The following DEFB124 variants were observed in gnomAD, a reference collection of about 807,000 sequenced individuals.
DEFB124 encodes the protein beta-defensin 124.
For missense variants in DEFB124, 78 were observed against 83.1 expected, an observed-to-expected ratio of 0.94 and a Z score of 0.24; for synonymous variants, 38 against 36.5, an observed-to-expected ratio of 1.04 and a Z score of -0.15.
chr20:31,466,537 C>T (rs1262386064), intron 2 of DEFB124, among the ~76,000 whole-genome samples: 1 of 150,144 alleles, frequency 6.7e-6, no homozygotes, highest in African/African-American at 2.5e-5. Context: ...AAGGCGGAGG[C>T]TGCAGTGAGC....
intron 2 of DEFB124, among the ~76,000 whole-genome samples, chr20:31,469,639 T>C (rs1980175222): frequency 6.8e-6 from 1 of 148,006 alleles, no homozygotes; most frequent in Admixed American, 6.7e-5. Flanking sequence ...GATTAGGGAG[T>C]GGTGATGATT....
intron 2 of DEFB124, among the ~76,000 whole-genome samples, chr20:31,470,727 G>A (rs867670923): frequency 0.012 from 1,667 of 133,612 alleles, 45 homozygotes; most frequent in African/African-American, 0.046. Flanking sequence ...CCTCCCTCCC[G>A]GACGGGGTGG....
At chr20:31,471,894 G>A (rs966008799) in intron 2 of DEFB124, among the ~76,000 whole-genome samples, 3 of 150,182 alleles carry the variant, frequency 2.0e-5, no homozygotes, top group Non-Finnish European at 4.5e-5. Context: ...TGGCGGCGGG[G>A]CAGAGACGCT....
intron 2 of DEFB124, among the ~76,000 whole-genome samples, chr20:31,466,152 A>C (rs922597441): frequency 6.6e-6 from 1 of 152,180 alleles, no homozygotes; most frequent in African/African-American, 2.4e-5. Flanking sequence ...GGGAGACTCC[A>C]TCTCAAATAA....
intron 2 of DEFB124, among the ~76,000 whole-genome samples, chr20:31,466,623 A>ATAT (rs1274120880): frequency 1.4e-5 from 2 of 147,970 alleles, no homozygotes; most frequent in African/African-American, 2.6e-5. Flanking sequence ...ATATATATAT[A>ATAT]AAACCTTATC....
At chr20:31,472,902 T>C in intron 2 of DEFB124, 54 bp downstream of exon 2, 9 of 1,578,582 alleles carry the variant, frequency 5.7e-6, no homozygotes, top group Non-Finnish European at 7.7e-6. Flanking sequence ...TCCTCATTTT[T>C]ACAAGCACAC....
In DEFB124 at chr20:31,470,809, G is replaced by A. The variant is rs1467670713; in HGVS notation, c.58+2147C>T. Among the ~76,000 whole-genome samples the A allele has an allele frequency of 2.0e-4, 26 of 131,430 alleles. No homozygotes were observed. In the East Asian group the frequency reaches 2.7e-3, roughly 14 times the overall value. 86.2% of individuals were successfully genotyped at this position (131,430 alleles called of 152,430 possible). A position where few individuals can be genotyped will look rare whatever the true frequency, so the allele number is the denominator to read the frequency against. On this transcript the variant is annotated intron_variant, in intron 2 of 2. Coordinates refer to ENST00000317676, the MANE Select transcript of DEFB124 (RefSeq NM_001037500.2). The stretch of plus-strand genomic sequence containing the variant: ...CAGAGGCGCCCCTCACCTCCCGGAC[G>A]GGGCGGCTGGCCGGGCGGGGTGCTG...
chr20:31,466,647 C>T (rs1224014047), intron 2 of DEFB124, among the ~76,000 whole-genome samples: 5 of 122,386 alleles, frequency 4.1e-5, no homozygotes, highest in Admixed American at 7.7e-5. Flanking sequence ...GGTCATACCA[C>T]CATTGAGGAG....
intron 1 of DEFB124, among the ~76,000 whole-genome samples, chr20:31,473,601 G>A (rs1980394493): frequency 6.6e-6 from 1 of 152,138 alleles, no homozygotes; most frequent in East Asian, 1.9e-4. Context: ...CCAGCAAGCA[G>A]CAGCAACACC....
At position 31,467,337 on chromosome 20, in the gene DEFB124, T is replaced by C. The variant is rs78784710; in HGVS notation, c.59-1674A>G. ...GGTAGAGAATCTTAGAATGATACAG[T>C]GCTGGCCTCAAAATCTCCATGAGGC... On this transcript the variant is annotated intron_variant, in intron 2 of 2. Transcript: ENST00000317676. Among the ~76,000 whole-genome samples, 326 of 152,316 alleles carry C rather than the reference T, an allele frequency of 2.1e-3. 1 individual carries two copies. The highest frequency in any genetic ancestry group is 4.8e-3 in the Admixed American group (73 of 15,292).
intron 2 of DEFB124, among the ~76,000 whole-genome samples, chr20:31,470,874 C>A (rs1479074084): frequency 3.6e-5 from 5 of 138,752 alleles, no homozygotes; most frequent in African/African-American, 5.4e-5. Flanking sequence ...GCTGGCCGGG[C>A]GGGGGGCTGA....
In DEFB124 at chr20:31,474,829, G is replaced by C. The variant is rs1384611792; in HGVS notation, c.-228C>G. Reference sequence around the variant, plus strand: ...CAAAATTAATTCTTCATCCAGAGCAGAGTTTCTTAAAGTGAGGTCAGTGAA... The same window carrying C: ...CAAAATTAATTCTTCATCCAGAGCACAGTTTCTTAAAGTGAGGTCAGTGAA... On this transcript the variant is annotated 5_prime_UTR_variant, in exon 1 of 3. Transcript: ENST00000317676. 1.3e-5 allele frequency among the ~76,000 whole-genome samples: 2 copies of C among 152,300 alleles called. No individual in the cohort carries two copies. Among genetic ancestry groups the C allele is most frequent in the South Asian group, 2.1e-4 (1 of 4,822 alleles).
At chr20:31,473,441 C>A (rs1980389788) in intron 1 of DEFB124, among the ~76,000 whole-genome samples, 1 of 152,136 alleles carries the variant, frequency 6.6e-6, no homozygotes, top group African/African-American at 2.4e-5. Flanking sequence ...TGATGACAAG[C>A]ATCCCTTACA....
chr20:31,471,811 C>T (rs1183973896), intron 2 of DEFB124, among the ~76,000 whole-genome samples: 1 of 148,508 alleles, frequency 6.7e-6, no homozygotes, highest in East Asian at 2.0e-4. Context: ...GATGGGCGGC[C>T]GGGCAGAGAC....
At chr20:31,467,486 GT>G (rs1300999360) in intron 2 of DEFB124, among the ~76,000 whole-genome samples, 2 of 152,186 alleles carry the variant, frequency 1.3e-5, no homozygotes, top group Non-Finnish European at 2.9e-5. Flanking sequence ...CTTGGCCTCA[GT>G]TCCTCATCTG....
At chr20:31,467,609 TG>T (rs1204896046) in intron 2 of DEFB124, among the ~76,000 whole-genome samples, 3 of 152,202 alleles carry the variant, frequency 2.0e-5, no homozygotes, top group Non-Finnish European at 4.4e-5. Flanking sequence ...CTTAGATTGC[TG>T]GAACAACCAG....
intron 2 of DEFB124, among the ~76,000 whole-genome samples, chr20:31,471,288 C>T (rs1480021683): frequency 8.4e-5 from 11 of 131,656 alleles, no homozygotes; most frequent in Admixed American, 1.4e-4. Context: ...ACCTCCCGGA[C>T]GGGGCGGCTG....
Position 31,473,029 on chromosome 20 carries a change from G to A in DEFB124, c.-16C>T. On this transcript the variant is annotated 5_prime_UTR_variant, in exon 2 of 3. Coordinates refer to ENST00000317676, the MANE Select transcript of DEFB124 (RefSeq NM_001037500.2). Reference sequence around the variant, plus strand: ...GCTGTGTCATGGCCACGGGGCTCCTGGGGAGGCTGCTGGAGAGAGCACAAG... The same window carrying A: ...GCTGTGTCATGGCCACGGGGCTCCTAGGGAGGCTGCTGGAGAGAGCACAAG... The A allele has an allele frequency of 6.2e-7, 1 of 1,613,730 alleles. No homozygotes were observed. Among genetic ancestry groups the A allele is most frequent in the Non-Finnish European group, 8.5e-7 (1 of 1,179,908 alleles).
In DEFB124 at chr20:31,465,549, T is replaced by C. The variant is rs116754368; in HGVS notation, c.173A>G (p.Tyr58Cys). ...CPDASLCCLS[Y>C]ALKPPPVPKH... ...GGGGACCGGTGGAGGTTTCAATGCATAGGAGAGACAGCACAGGGACGCATC... is the reference window on the plus strand; with the variant it reads ...GGGGACCGGTGGAGGTTTCAATGCACAGGAGAGACAGCACAGGGACGCATC... The change falls in exon 3 of 3, where the codon TAT becomes TGT. Residue 58 changes from tyrosine (Y) to cysteine (C), a missense_variant. Tyr to Cys is a radical substitution (Grantham distance 194). Transcript: ENST00000317676. 2.6e-3 allele frequency: 4,212 copies of C among 1,614,146 alleles called. 84 individuals carry two copies. In the African/African-American group the frequency reaches 0.051, roughly 19 times the overall value.
Sources: allele counts gnomAD v4.1 joint callset (sites outside exome capture counted in the v4.1 genomes callset), GRCh38; gene constraint gnomAD v4.1.1; transcripts MANE v1.5; gene names NCBI Gene and HGNC (gene_info 2026-07-23, HGNC 2026-07-21).